The following RBFOX1 variants were observed in gnomAD, a reference collection of about 807,000 sequenced individuals.
RBFOX1 encodes the protein RNA binding protein fox-1 homolog 1.
In RBFOX1, 8 loss-of-function variants were observed where a neutral mutation model predicts 57.7. The observed-to-expected ratio is 0.14, with a 90% confidence interval of 0.08 to 0.25. The LOEUF is 0.25. RBFOX1 is among the 10% of genes least tolerant of loss of function. The probability of loss-of-function intolerance (pLI) is 1.00; values close to 1 mark genes in which losing one functional copy is unlikely to be tolerated. For synonymous variants in RBFOX1, 326 were observed against 222.4 expected, an observed-to-expected ratio of 1.47 and a Z score of -4.15; for missense variants, 611 against 548.5, an observed-to-expected ratio of 1.11 and a Z score of -1.14.
At chr16:7,122,247 C>G (rs1372160222) in intron 4 of RBFOX1, among the ~76,000 whole-genome samples, 2 of 152,088 alleles carry the variant, frequency 1.3e-5, no homozygotes, top group Non-Finnish European at 2.9e-5. Flanking sequence ...TTGTAAACCA[C>G]TCTTGACAAA....
rs537507038 is a variant in RBFOX1, at chr16:6,594,734, A to G, written c.-63-59869A>G. Among the ~76,000 whole-genome samples, 19 of 152,106 alleles carry G rather than the reference A, an allele frequency of 1.2e-4. 1 individual carries two copies. In the East Asian group the frequency reaches 2.9e-3, roughly 23 times the overall value. Reference sequence around the variant, plus strand: ...ATGTTTTTATTGAGGTTCACTTACTATATGGTATGCGTATGCCACAAAATT... The same window carrying G: ...ATGTTTTTATTGAGGTTCACTTACTGTATGGTATGCGTATGCCACAAAATT... On this transcript the variant is annotated intron_variant, in intron 2 of 15. Transcript: ENST00000550418.
chr16:6,219,066 G>A (rs1013637983), intron 1 of RBFOX1, among the ~76,000 whole-genome samples: 3 of 152,154 alleles, frequency 2.0e-5, no homozygotes, highest in African/African-American at 2.4e-5. Context: ...TTGAGATACC[G>A]AGTCATTAAG....
At chr16:5,679,512 C>T (rs997954307) in intron 3 of RBFOX1, among the ~76,000 whole-genome samples, 1 of 152,000 alleles carries the variant, frequency 6.6e-6, no homozygotes, top group Non-Finnish European at 1.5e-5. Context: ...TTGTCCCCCA[C>T]CCCCCGACAG....
At chr16:7,511,068 C>A (rs543103502) in intron 4 of RBFOX1, among the ~76,000 whole-genome samples, 4 of 152,246 alleles carry the variant, frequency 2.6e-5, no homozygotes, top group Admixed American at 2.6e-4. Context: ...CACACACATA[C>A]CCACACAGGA....
intron 2 of RBFOX1, among the ~76,000 whole-genome samples, chr16:6,464,130 C>G (rs1242993025): frequency 6.6e-6 from 1 of 152,108 alleles, no homozygotes; most frequent in Non-Finnish European, 1.5e-5. Context: ...ACATTTAATT[C>G]CTGCATGTAA....
chr16:7,291,398 A>C (rs1001477799), intron 4 of RBFOX1, among the ~76,000 whole-genome samples: 1 of 152,188 alleles, frequency 6.6e-6, no homozygotes, highest in Non-Finnish European at 1.5e-5. Context: ...CTAAAAATCT[A>C]GGCTAAATAA....
At chr16:7,487,177 C>A (rs949338677) in intron 4 of RBFOX1, among the ~76,000 whole-genome samples, 1 of 152,138 alleles carries the variant, frequency 6.6e-6, no homozygotes, top group African/African-American at 2.4e-5. Flanking sequence ...TGGGATTACA[C>A]GTGTGAGCCA....
In RBFOX1 at chr16:6,835,852, G is replaced by T. The variant is rs146531242; in HGVS notation, c.-16+181202G>T. Among the ~76,000 whole-genome samples the T allele has an allele frequency of 1.8e-4, 28 of 151,536 alleles. No individual in the cohort carries two copies. In the East Asian group the frequency reaches 5.1e-3, roughly 28 times the overall value. On this transcript the variant is annotated intron_variant, in intron 3 of 15. Coordinates refer to ENST00000550418, the MANE Select transcript of RBFOX1 (RefSeq NM_018723.4). The stretch of plus-strand genomic sequence containing the variant: ...AGTTCTACTCCATAATGTGATACAG[G>T]GACCCAGGCTCCTTCCCTAGGTGGC...
chr16:6,980,163 C>T (rs920828140), intron 3 of RBFOX1, among the ~76,000 whole-genome samples: 11 of 152,132 alleles, frequency 7.2e-5, no homozygotes, highest in African/African-American at 2.7e-4. Flanking sequence ...AATTAAGCCT[C>T]CGCAGTTAGG....
At position 6,824,601 on chromosome 16, in the gene RBFOX1, C is replaced by G. The variant is rs76204973; in HGVS notation, c.-16+169951C>G. 1.1e-4 allele frequency among the ~76,000 whole-genome samples: 17 copies of G among 152,186 alleles called. No individual in the cohort carries two copies. In the East Asian group the frequency reaches 2.7e-3, roughly 24 times the overall value. On this transcript the variant is annotated intron_variant, in intron 3 of 15. Coordinates refer to ENST00000550418, the MANE Select transcript of RBFOX1 (RefSeq NM_018723.4). ...TACAAGTCTGTAAGTTAAAGGTGTG[C>G]TGTTTTGTCAACAGATTACTCTGAA...
chr16:6,410,752 C>T (rs1002348195), intron 2 of RBFOX1, among the ~76,000 whole-genome samples: 8 of 152,098 alleles, frequency 5.3e-5, no homozygotes, highest in African/African-American at 1.9e-4. Flanking sequence ...TGCATTTGGC[C>T]AGAAAATGCC....
rs200131710 is a variant in RBFOX1 at position 6,451,379 on chromosome 16, A to AT, written c.-64+134329dup. On this transcript the variant is annotated intron_variant, in intron 2 of 15. Transcript: ENST00000550418. ...TTAACTATGTTGCATGCTTTAGATG[A>AT]TTTTTTTGACTTTCAACCCCAGGAG... Among the ~76,000 whole-genome samples, 704 of 152,034 alleles carry AT rather than the reference A, an allele frequency of 4.6e-3. 17 individuals are homozygous for AT. In the East Asian group the frequency reaches 0.091, roughly 20 times the overall value.
chr16:6,151,431 G>A (rs1410991396), intron 1 of RBFOX1, among the ~76,000 whole-genome samples: 14 of 151,982 alleles, frequency 9.2e-5, no homozygotes, highest in African/African-American at 2.9e-4. Flanking sequence ...GATTACAGGC[G>A]CGCTTCACCA....
chr16:7,326,710 C>T (rs1230431197), intron 4 of RBFOX1, among the ~76,000 whole-genome samples: 3 of 152,006 alleles, frequency 2.0e-5, no homozygotes, highest in African/African-American at 7.2e-5. Context: ...GTATATCGTC[C>T]TTAATCAGAA....
At position 7,157,569 on chromosome 16, in the gene RBFOX1, G is replaced by C. The variant is rs553761863; in HGVS notation, c.27+105471G>C. ...GGGGCTTTGCATAGCTTAAGTCCAG[G>C]CACGTGAAAATATCCGAATAGGGTC... is the stretch of plus-strand genomic sequence containing the variant. On this transcript the variant is annotated intron_variant, in intron 4 of 15. Coordinates refer to ENST00000550418, the MANE Select transcript of RBFOX1 (RefSeq NM_018723.4). Among the ~76,000 whole-genome samples the C allele has an allele frequency of 3.4e-4, 51 of 152,154 alleles. 1 individual carries two copies. The highest frequency in any genetic ancestry group is 3.4e-3 in the Middle Eastern group (1 of 294).
At chr16:6,088,113 A>G (rs949324766) in intron 1 of RBFOX1, among the ~76,000 whole-genome samples, 2 of 152,050 alleles carry the variant, frequency 1.3e-5, no homozygotes, top group African/African-American at 4.8e-5. Context: ...CGTTATTTCA[A>G]CCTCATCATC....
intron 1 of RBFOX1, among the ~76,000 whole-genome samples, chr16:6,082,739 A>G (rs574002374): frequency 6.6e-6 from 1 of 152,108 alleles, no homozygotes; most frequent in Non-Finnish European, 1.5e-5. Flanking sequence ...TGATCACTCA[A>G]ATAGAACTAG....
At position 5,454,854 on chromosome 16, in the gene RBFOX1, T is replaced by TTTTCTTTC. The variant is rs200680272; in HGVS notation, c.220-12309_220-12302dup. 6.2e-3 allele frequency among the ~76,000 whole-genome samples: 416 copies of TTTTCTTTC among 67,494 alleles called. 10 individuals are homozygous for TTTTCTTTC. Among genetic ancestry groups the TTTTCTTTC allele is most frequent in the South Asian group, 0.012 (19 of 1,620 alleles). 44.3% of individuals were successfully genotyped at this position (67,494 alleles called of 152,430 possible). A position where few individuals can be genotyped will look rare whatever the true frequency, so the allele number is the denominator to read the frequency against. Reference sequence around the variant, plus strand: ...TTGCTTTCTTTCCTTTCTTTCTTTCTTTTCTTTCTTTCTTTCTTTCTTTCT... The same window carrying TTTTCTTTC: ...TTGCTTTCTTTCCTTTCTTTCTTTCTTTTCTTTCTTTCTTTCTTTCTTTCTTTCTTTCT... On this transcript the variant is annotated intron_variant, in intron 1 of 2. Coordinates refer to the RBFOX1 transcript ENST00000585867.
At chr16:6,947,950 T>G (rs2153517238) in intron 3 of RBFOX1, among the ~76,000 whole-genome samples, 1 of 151,930 alleles carries the variant, frequency 6.6e-6, no homozygotes, top group South Asian at 2.1e-4. Flanking sequence ...CTAATTTTTG[T>G]ATTTTTTAAA....
Sources: allele counts gnomAD v4.1 joint callset (sites outside exome capture counted in the v4.1 genomes callset), GRCh38; gene constraint gnomAD v4.1.1; transcripts MANE v1.5; gene names NCBI Gene and HGNC (gene_info 2026-07-23, HGNC 2026-07-21).